RAPGEF2: variants seen among roughly 807,000 people sequenced by gnomAD.
The protein encoded by RAPGEF2 is PDZ domain containing guanine nucleotide exchange factor (GEF) 1.
RAPGEF2 carries 54 observed loss-of-function variants against 186.7 expected under a neutral mutation model. The observed-to-expected ratio is 0.29, with a 90% CI of 0.23 to 0.36. RAPGEF2 has a LOEUF of 0.36. Ranked by LOEUF, RAPGEF2 falls within the 10% of genes least tolerant of loss-of-function variation. RAPGEF2 has a pLI of 1.00. For synonymous variants in RAPGEF2, 712 were observed against 705.9 expected (o/e 1.01, Z -0.14); for missense variants, 1,532 against 2,045.0 (o/e 0.75, Z 4.84).
chr4:159,289,710 A>G (rs4295222), intron 7 of RAPGEF2, among the ~76,000 whole-genome samples: 49,655 of 152,026 alleles, frequency 0.33, 8,677 homozygotes, highest in Non-Finnish European at 0.4. Flanking sequence ...CTGTAAAGGT[A>G]TTTAAGTTCT....
chr4:159,273,818 A>G (rs1758497634), intron 7 of RAPGEF2, among the ~76,000 whole-genome samples: 1 of 151,898 alleles, frequency 6.6e-6, no homozygotes, highest in African/African-American at 2.4e-5. Context: ...TTCGAGATGG[A>G]GTCTCGCTCT....
chr4:159,347,419 C>A (rs1433447939), intron 25 of RAPGEF2, among the ~76,000 whole-genome samples: 1 of 152,192 alleles, frequency 6.6e-6, no homozygotes, highest in Middle Eastern at 3.2e-3. Context: ...GATTCTATAA[C>A]TTAGAGGGAA....
intron 7 of RAPGEF2, among the ~76,000 whole-genome samples, chr4:159,270,458 A>G (rs1411803494): frequency 6.6e-6 from 1 of 152,210 alleles, no homozygotes; most frequent in Non-Finnish European, 1.5e-5. Flanking sequence ...GCTTATTCAA[A>G]AAGTTTGTGG....
chr4:159,287,798 A>C (rs1346173584), intron 7 of RAPGEF2, among the ~76,000 whole-genome samples: 2 of 152,144 alleles, frequency 1.3e-5, no homozygotes, highest in African/African-American at 4.8e-5. Context: ...TAAAAGCAAA[A>C]TCTAAATTCT....
At chr4:159,221,118 T>C (rs1333779633) in intron 4 of RAPGEF2, among the ~76,000 whole-genome samples, 1 of 152,214 alleles carries the variant, frequency 6.6e-6, no homozygotes, top group Admixed American at 6.5e-5. Context: ...GTTTTCTTAC[T>C]ATGTTAGTTG....
At chr4:159,299,477 A>G (rs1396744274) in intron 7 of RAPGEF2, among the ~76,000 whole-genome samples, 1 of 151,958 alleles carries the variant, frequency 6.6e-6, no homozygotes, top group Non-Finnish European at 1.5e-5. Context: ...TGATAATAAA[A>G]TTCCACAAAA....
intron 8 of RAPGEF2, among the ~76,000 whole-genome samples, chr4:159,309,323 A>G (rs1285770505): frequency 2.6e-5 from 4 of 151,998 alleles, no homozygotes; most frequent in Non-Finnish European, 4.4e-5. Flanking sequence ...CGCCAATTGA[A>G]CCAATTATTA....
At chr4:159,225,406 A>G (rs1751929369) in intron 4 of RAPGEF2, among the ~76,000 whole-genome samples, 1 of 152,216 alleles carries the variant, frequency 6.6e-6, no homozygotes, top group Admixed American at 6.5e-5. Flanking sequence ...TAATTTGAAA[A>G]TGATTGAGTT....
At chr4:159,269,912 A>G (rs1757905918) in intron 7 of RAPGEF2, among the ~76,000 whole-genome samples, 2 of 152,212 alleles carry the variant, frequency 1.3e-5, no homozygotes, top group African/African-American at 4.8e-5. Context: ...TACTACATTT[A>G]TGTAAAGGCC....
intron 5 of RAPGEF2, among the ~76,000 whole-genome samples, chr4:159,240,158 G>A (rs1561129224): frequency 6.6e-6 from 1 of 151,930 alleles, no homozygotes; most frequent in Non-Finnish European, 1.5e-5. Flanking sequence ...GATTTCTCTG[G>A]AGGATTTTTA....
intron 1 of RAPGEF2, among the ~76,000 whole-genome samples, chr4:159,104,551 A>AGAGAGG (rs1737645037): frequency 7.4e-6 from 1 of 134,548 alleles, no homozygotes; most frequent in African/African-American, 3.1e-5. Context: ...AGAGAGAGAG[A>AGAGAGG]GAGTGTGTGT....
At chr4:159,285,980 C>A (rs1760405554) in intron 7 of RAPGEF2, among the ~76,000 whole-genome samples, 1 of 151,930 alleles carries the variant, frequency 6.6e-6, no homozygotes, top group African/African-American at 2.4e-5. Flanking sequence ...GATGTTGTCA[C>A]AGATTTGACA....
At chr4:159,123,144 G>A (rs935189114) in intron 1 of RAPGEF2, among the ~76,000 whole-genome samples, 1 of 152,144 alleles carries the variant, frequency 6.6e-6, no homozygotes, top group Non-Finnish European at 1.5e-5. Flanking sequence ...TCAACAGTAG[G>A]CTATTAGTAG....
intron 17 of RAPGEF2, among the ~76,000 whole-genome samples, chr4:159,338,081 T>C (rs1579997222): frequency 6.6e-6 from 1 of 151,838 alleles, no homozygotes; most frequent in East Asian, 1.9e-4. Flanking sequence ...CAAAGCAAGA[T>C]GCTATATCTA....
chr4:159,106,788 A>G (rs1737937264), intron 1 of RAPGEF2, among the ~76,000 whole-genome samples: 1 of 152,224 alleles, frequency 6.6e-6, no homozygotes, highest in African/African-American at 2.4e-5. Flanking sequence ...ATAGTTTTGT[A>G]TTTAGGTCAA....
chr4:159,322,390 T>C lies in RAPGEF2; in HGVS notation c.897T>C (p.Asn299=), dbSNP rs367676651. The part of the protein sequence containing the change: ...EFMHQLPAFA[N]MTMSVRRELC... ...TGCACCAGTTGCCTGCTTTTGCCAA[T>C]ATGACAATGTCAGTGAGGCGAGAAC... The change falls in exon 10 of 30, where the codon AAT becomes AAC. Residue 299 remains asparagine, a synonymous_variant. Transcript: ENST00000691494. 3 of 1,614,052 alleles carry C rather than the reference T, an allele frequency of 1.9e-6. No homozygotes were observed. The highest frequency in any genetic ancestry group is 2.2e-5 in the East Asian group (1 of 44,864).
rs1757638249 is a variant in RAPGEF2 at position 159,268,027 on chromosome 4, C to A, written c.543+24236C>A. ...TTACCAGTAGTGACACTTTAAGCTG[C>A]AGCTTGGTTTTCCCTCCTCCCTTTT... is the stretch of plus-strand genomic sequence containing the variant. On this transcript the variant is annotated intron_variant, in intron 7 of 29. Transcript: ENST00000691494. 9 of 1,452,316 alleles carry A rather than the reference C, an allele frequency of 6.2e-6. No individual in the cohort carries two copies. The Admixed American group carries it at 1.6e-4, about 26-fold the overall frequency. 90.0% of individuals were successfully genotyped at this position (1,452,316 alleles called of 1,614,324 possible). A position where few individuals can be genotyped will look rare whatever the true frequency, so the allele number is the denominator to read the frequency against.
chr4:159,279,855 A>AT (rs1292310208), intron 7 of RAPGEF2, among the ~76,000 whole-genome samples: 5 of 151,264 alleles, frequency 3.3e-5, no homozygotes, highest in Non-Finnish European at 5.9e-5. Flanking sequence ...ATTTTTGTGG[A>AT]TTTTTTTTGG....
intron 3 of RAPGEF2, among the ~76,000 whole-genome samples, chr4:159,199,501 A>G (rs1749180420): frequency 6.6e-6 from 1 of 152,102 alleles, no homozygotes. Flanking sequence ...ATTCAAAAGA[A>G]GGAACTCCTT....
Sources: allele counts gnomAD v4.1 joint callset (sites outside exome capture counted in the v4.1 genomes callset), GRCh38; gene constraint gnomAD v4.1.1; transcripts MANE v1.5; gene names NCBI Gene and HGNC (gene_info 2026-07-23, HGNC 2026-07-21).